The following DPP6 variants were observed in gnomAD, a reference collection of about 807,000 sequenced individuals.
DPP6 encodes dipeptidyl peptidase like 6.
In DPP6, 69 loss-of-function variants were observed where a neutral mutation model predicts 122.6. The observed-to-expected ratio is 0.56, with a 90% CI of 0.46 to 0.69. DPP6 has a LOEUF of 0.69. Ranked by LOEUF, DPP6 falls within the 30% of genes least tolerant of loss-of-function variation. DPP6 has a pLI of 0.00. For missense variants in DPP6, 928 were observed against 1,116.9 expected (o/e 0.83, Z 2.41); for synonymous variants, 418 against 433.1 (o/e 0.97, Z 0.43).
the DPP6 span, among the ~76,000 whole-genome samples, chr7:153,876,426 ACAG>A: frequency 7.0e-6 from 1 of 143,854 alleles, no homozygotes; most frequent in Non-Finnish European, 1.5e-5. Context: ...ACACACACAC[ACAG>A]TATCACCAAG....
At chr7:154,442,217 A>T (rs1426024473) in intron 1 of DPP6, among the ~76,000 whole-genome samples, 1 of 152,216 alleles carries the variant, frequency 6.6e-6, no homozygotes, top group East Asian at 1.9e-4. Flanking sequence ...TGAGACGTTG[A>T]ACACAGTAAG....
intron 6 of DPP6, among the ~76,000 whole-genome samples, chr7:154,667,870 G>A (rs1036232510): frequency 6.6e-6 from 1 of 151,858 alleles, no homozygotes. Context: ...AATTGGCATC[G>A]TCACTCTACC....
intron 4 of DPP6, among the ~76,000 whole-genome samples, chr7:154,548,216 A>C (rs1829354276): frequency 6.6e-6 from 1 of 151,916 alleles, no homozygotes; most frequent in Admixed American, 6.6e-5. Flanking sequence ...CTCAAAGTAA[A>C]ATAAAAATAA....
At chr7:154,143,192 G>C (rs963440778) in intron 1 of DPP6, among the ~76,000 whole-genome samples, 1 of 152,082 alleles carries the variant, frequency 6.6e-6, no homozygotes, top group African/African-American at 2.4e-5. Context: ...GAGGAAAAGA[G>C]TCTGCCGTAT....
intron 5 of DPP6, among the ~76,000 whole-genome samples, chr7:154,614,406 G>C (rs562505352): frequency 4.1e-5 from 6 of 147,222 alleles, no homozygotes; most frequent in African/African-American, 1.5e-4. Flanking sequence ...TTTTTCTTCT[G>C]TATCAAGCTT....
At chr7:154,776,199 T>TAGATAGATAGATA (rs1554463870) in intron 10 of DPP6, among the ~76,000 whole-genome samples, 2 of 148,442 alleles carry the variant, frequency 1.3e-5, no homozygotes, top group African/African-American at 2.5e-5. Context: ...CCATGATAGA[T>TAGATAGATAGATA]GATAGATAGA....
intron 7 of DPP6, among the ~76,000 whole-genome samples, chr7:154,673,322 GA>G (rs1165410537): frequency 2.6e-5 from 4 of 152,244 alleles, no homozygotes; most frequent in Non-Finnish European, 5.9e-5. Context: ...TGTGCTGACT[GA>G]TTTCAGTGAT....
chr7:154,751,896 C>A (rs1388211105), intron 8 of DPP6, among the ~76,000 whole-genome samples: 2 of 152,214 alleles, frequency 1.3e-5, no homozygotes, highest in Non-Finnish European at 2.9e-5. Context: ...GAGCTGGAGA[C>A]AGGGCAAGTC....
intron 1 of DPP6, among the ~76,000 whole-genome samples, chr7:154,028,881 T>C (rs1799081129): frequency 6.6e-6 from 1 of 152,012 alleles, no homozygotes. Flanking sequence ...TTCTGGAGTT[T>C]GGCAGACCTG....
chr7:154,292,862 T>C (rs1201836282), intron 1 of DPP6, among the ~76,000 whole-genome samples: 2 of 152,196 alleles, frequency 1.3e-5, no homozygotes, highest in African/African-American at 4.8e-5. Context: ...ACCTAAAATA[T>C]ATTTATCCAC....
chr7:154,678,906 AC>A (rs758233886), intron 7 of DPP6, among the ~76,000 whole-genome samples: 4 of 152,286 alleles, frequency 2.6e-5, no homozygotes, highest in Non-Finnish European at 5.9e-5. Context: ...AAAATAATCT[AC>A]TCGAAGTACA....
At chr7:154,192,985 G>C (rs569954302) in intron 1 of DPP6, among the ~76,000 whole-genome samples, 1 of 152,310 alleles carries the variant, frequency 6.6e-6, no homozygotes, top group South Asian at 2.1e-4. Context: ...TGTTCAGAAG[G>C]CTCAGTAAAT....
At chr7:154,798,017 C>A (rs1295595545) in intron 12 of DPP6, among the ~76,000 whole-genome samples, 1 of 152,164 alleles carries the variant, frequency 6.6e-6, no homozygotes, top group Non-Finnish European at 1.5e-5. Context: ...CTATGCCAGG[C>A]CCACTTTGTG....
At chr7:154,817,391 ACAT>A (rs1045824319) in intron 16 of DPP6, among the ~76,000 whole-genome samples, 51 of 152,316 alleles carry the variant, frequency 3.3e-4, no homozygotes, top group African/African-American at 1.2e-3. Context: ...GATGTCATTA[ACAT>A]CATGAGTGAT....
At chr7:154,369,305 G>C (rs1812446453) in intron 1 of DPP6, among the ~76,000 whole-genome samples, 1 of 151,116 alleles carries the variant, frequency 6.6e-6, no homozygotes, top group African/African-American at 2.4e-5. Context: ...ATACTGATCA[G>C]GCTGGCAGTG....
intron 12 of DPP6, among the ~76,000 whole-genome samples, chr7:154,799,923 A>C (rs949645223): frequency 6.6e-6 from 1 of 152,216 alleles, no homozygotes. Flanking sequence ...GTTCCGAGGA[A>C]TGTTTCCCTG....
chr7:154,030,811 C>T (rs1799187292), intron 1 of DPP6, among the ~76,000 whole-genome samples: 1 of 152,178 alleles, frequency 6.6e-6, no homozygotes, highest in Admixed American at 6.5e-5. Context: ...GCCTGATCTG[C>T]TGCCAACATC....
intron 1 of DPP6, among the ~76,000 whole-genome samples, chr7:154,439,059 A>G (rs556804260): frequency 1.3e-5 from 2 of 152,264 alleles, no homozygotes; most frequent in East Asian, 1.9e-4. Flanking sequence ...TTAAAAAGTG[A>G]GCTCCAATTA....
At chr7:154,660,423 G>A (rs75416332) in intron 6 of DPP6, among the ~76,000 whole-genome samples, 1 of 149,980 alleles carries the variant, frequency 6.7e-6, no homozygotes, top group African/African-American at 2.5e-5. Flanking sequence ...TATAGTCATG[G>A]TGAATCACCA....
Sources: allele counts gnomAD v4.1 joint callset (sites outside exome capture counted in the v4.1 genomes callset), GRCh38; gene constraint gnomAD v4.1.1; transcripts MANE v1.5; gene names NCBI Gene and HGNC (gene_info 2026-07-23, HGNC 2026-07-21).